The following TRABD2A variants were observed in gnomAD, a reference collection of about 807,000 sequenced individuals.
The protein encoded by TRABD2A is TraB domain containing 2A, also known as metalloprotease TIKI1.
TRABD2A carries 43 observed loss-of-function variants against 45.6 expected under a neutral mutation model. The observed-to-expected ratio is 0.94, with a 90% confidence interval of 0.74 to 1.22. The LOEUF (loss-of-function observed/expected upper bound fraction) is 1.22. Ranked by LOEUF, TRABD2A falls within the 50% of genes most tolerant of loss-of-function variation. The pLI is 0.00. For missense variants in TRABD2A, 642 were observed against 652.4 expected, an observed-to-expected ratio of 0.98 and a Z score of 0.17; for synonymous variants, 269 against 265.0, an observed-to-expected ratio of 1.02 and a Z score of -0.15.
chr2:84,858,435 A>T (rs1409852942), intron 2 of TRABD2A, among the ~76,000 whole-genome samples: 7 of 152,180 alleles, frequency 4.6e-5, no homozygotes, highest in Non-Finnish European at 7.4e-5. Flanking sequence ...TCCCTTGAAA[A>T]TCCAGCTCAA....
At chr2:84,866,945 C>T (rs1175491898) in intron 2 of TRABD2A, among the ~76,000 whole-genome samples, 1 of 152,078 alleles carries the variant, frequency 6.6e-6, no homozygotes, top group Middle Eastern at 3.4e-3. Flanking sequence ...ATTAGCCAGG[C>T]GTGGTGGCGG....
At chr2:84,873,332 A>C (rs1207702527) in intron 1 of TRABD2A, among the ~76,000 whole-genome samples, 1 of 151,876 alleles carries the variant, frequency 6.6e-6, no homozygotes, top group Non-Finnish European at 1.5e-5. Flanking sequence ...GAGGCAGGAG[A>C]ATCGCTTGAA....
At chr2:84,874,082 T>C (rs1573957710) in intron 1 of TRABD2A, among the ~76,000 whole-genome samples, 1 of 152,302 alleles carries the variant, frequency 6.6e-6, no homozygotes, top group African/African-American at 2.4e-5. Flanking sequence ...TTTTATCCAA[T>C]ACACTTAATC....
In TRABD2A at chr2:84,848,407, CAGACAGATAGAT is replaced by C. The variant is rs1227124266; in HGVS notation, c.670-6412_670-6401del. On this transcript the variant is annotated intron_variant, in intron 2 of 6. Coordinates refer to ENST00000409520, the MANE Select transcript of TRABD2A (RefSeq NM_001277053.2). Reference sequence around the variant, plus strand: ...ACAGACAGACAGACAGACAGACAGACAGACAGATAGATAGTCTCCACTTTCGTTTTGCTGCTT... The same window carrying C: ...ACAGACAGACAGACAGACAGACAGACAGTCTCCACTTTCGTTTTGCTGCTT... Among the ~76,000 whole-genome samples the C allele has an allele frequency of 6.6e-3, 933 of 141,290 alleles. 9 individuals carry two copies. Among genetic ancestry groups the C allele is most frequent in the African/African-American group, 0.022 (733 of 33,626 alleles). 92.7% of individuals were successfully genotyped at this position (141,290 alleles called of 152,430 possible).
intron 4 of TRABD2A, chr2:84,832,563 G>GC (rs1468755931): frequency 6.2e-6 from 1 of 162,240 alleles, no homozygotes; most frequent in East Asian, 1.7e-4. Flanking sequence ...ACTTTGGGAG[G>GC]CCGAGGCGGG....
chr2:84,869,495 A>C (rs1388584285), intron 2 of TRABD2A, among the ~76,000 whole-genome samples: 1 of 152,208 alleles, frequency 6.6e-6, no homozygotes, highest in East Asian at 1.9e-4. Context: ...CTAGGAAAGG[A>C]ACTGTCCTGG....
chr2:84,840,671 G>A (rs1053131500), intron 3 of TRABD2A, among the ~76,000 whole-genome samples: 1 of 152,206 alleles, frequency 6.6e-6, no homozygotes, highest in Admixed American at 6.5e-5. Context: ...TGCTTCAAAT[G>A]TCAATTTCCC....
rs371467892 is a variant in TRABD2A at position 84,823,997 on chromosome 2, C to T, written c.1290G>A (p.Pro430=). 6.2e-6 allele frequency: 10 copies of T among 1,613,922 alleles called. No homozygotes were observed. The highest frequency in any genetic ancestry group is 8.5e-6 in the Non-Finnish European group (10 of 1,179,886). Residue 430 remains proline, a synonymous_variant, in exon 6 of 7, where the codon CCG becomes CCA. Coordinates refer to ENST00000409520, the MANE Select transcript of TRABD2A (RefSeq NM_001277053.2). ...RKKRRRSQRR[P]RLRQFSDLWV... ...ACAGATCGCTGAATTGCCGGAGTCG[C>T]GGCCTCCGCTGTGACCGCCTCCGCT...
intron 1 of TRABD2A, among the ~76,000 whole-genome samples, chr2:84,871,793 C>T (rs749735153): frequency 6.6e-6 from 1 of 152,170 alleles, no homozygotes; most frequent in African/African-American, 2.4e-5. Context: ...CACAGAGATG[C>T]TACTTTTAAA....
At chr2:84,826,315 G>A (rs1415776376) in intron 5 of TRABD2A, among the ~76,000 whole-genome samples, 2 of 152,208 alleles carry the variant, frequency 1.3e-5, no homozygotes, top group Non-Finnish European at 2.9e-5. Context: ...AGGTAGCCAA[G>A]GCCAGGGCTT....
At chr2:84,864,882 G>A (rs1682625874) in intron 2 of TRABD2A, among the ~76,000 whole-genome samples, 1 of 152,054 alleles carries the variant, frequency 6.6e-6, no homozygotes, top group Admixed American at 6.5e-5. Flanking sequence ...TCTTCCTCAG[G>A]CCATCTAGCA....
At chr2:84,828,797 C>G (rs1681225115) in intron 5 of TRABD2A, among the ~76,000 whole-genome samples, 2 of 152,194 alleles carry the variant, frequency 1.3e-5, no homozygotes, top group African/African-American at 4.8e-5. Context: ...CCGGAAGGCT[C>G]TAGAAGAAAG....
intron 1 of TRABD2A, among the ~76,000 whole-genome samples, chr2:84,873,437 A>T (rs6739831): frequency 0.43 from 64,846 of 151,962 alleles, 15,281 homozygotes; most frequent in African/African-American, 0.63. Flanking sequence ...AAAAAAAAAA[A>T]TTAAAAACCA....
chr2:84,836,009 A>G (rs957996931), intron 4 of TRABD2A: 2 of 152,230 alleles, frequency 1.3e-5, no homozygotes, highest in African/African-American at 4.8e-5. Context: ...ATAAACCCTC[A>G]CACTAAAAAC....
intron 2 of TRABD2A, among the ~76,000 whole-genome samples, chr2:84,855,657 C>G (rs1408473343): frequency 6.6e-6 from 1 of 152,046 alleles, no homozygotes; most frequent in East Asian, 1.9e-4. Context: ...CCCCTTTCCA[C>G]TCTCCCCTTG....
intron 1 of TRABD2A, among the ~76,000 whole-genome samples, chr2:84,875,664 T>C (rs939951578): frequency 2.6e-5 from 4 of 151,668 alleles, no homozygotes; most frequent in African/African-American, 7.3e-5. Context: ...ATAATCTGAG[T>C]GGGAGTGACA....
At chr2:84,865,407 TA>T (rs1682643498) in intron 2 of TRABD2A, among the ~76,000 whole-genome samples, 1 of 152,194 alleles carries the variant, frequency 6.6e-6, no homozygotes, top group Admixed American at 6.5e-5. Context: ...GCAATTCAAA[TA>T]AGAGCACCTC....
intron 5 of TRABD2A, among the ~76,000 whole-genome samples, chr2:84,828,534 G>A (rs902246951): frequency 2.6e-5 from 4 of 152,072 alleles, no homozygotes; most frequent in African/African-American, 9.7e-5. Context: ...TTAGCCTCCC[G>A]GGACCCTGTC....
intron 1 of TRABD2A, chr2:84,874,827 G>T (rs1682978666): frequency 4.9e-6 from 1 of 203,574 alleles, no homozygotes; most frequent in South Asian, 8.7e-5. Flanking sequence ...AGATTGAGGT[G>T]GTACCTTCTG....
Sources: gnomAD v4.1 joint callset for allele counts (sites outside exome capture counted in the v4.1 genomes callset) on GRCh38, gnomAD v4.1.1 for gene constraint, MANE v1.5 for transcripts, NCBI Gene and HGNC (gene_info 2026-07-23, HGNC 2026-07-21) for gene names.